Variants in ZNF333 observed in about 807,000 individuals in gnomAD.
ZNF333 encodes zinc finger protein 333.
In ZNF333, 61 loss-of-function variants were observed where a neutral mutation model predicts 76.1. That is an observed-to-expected ratio of 0.80 (90% CI 0.65 to 0.99). The LOEUF is 0.99. Ranked by LOEUF, ZNF333 falls within the 50% of genes least tolerant of loss-of-function variation. The pLI is 0.00. For synonymous variants in ZNF333, 284 were observed against 305.0 expected (o/e 0.93, Z 0.72); for missense variants, 717 against 822.4 (o/e 0.87, Z 1.57).
chr19:14,705,447 C>G (rs893583801), intron 6 of ZNF333, among the ~76,000 whole-genome samples: 1 of 152,152 alleles, frequency 6.6e-6, no homozygotes, highest in Non-Finnish European at 1.5e-5. Context: ...TCCTGTCCTT[C>G]CACCCCAGCC....
intron 5 of ZNF333, chr19:14,700,456 G>T (rs1039409230): frequency 6.6e-6 from 1 of 152,280 alleles, no homozygotes; most frequent in Non-Finnish European, 1.5e-5. Flanking sequence ...AGGCCACTTT[G>T]ATTGGAAAGA....
chr19:14,731,940 A>G (rs914098384), exon 12 of ZNF333: 7 of 152,052 alleles, frequency 4.6e-5, no homozygotes, highest in African/African-American at 1.7e-4. Context: ...TCCTTCCCCA[A>G]CCTCGTCTGT....
chr19:14,697,383 A>G (rs889834009), intron 4 of ZNF333, among the ~76,000 whole-genome samples: 3 of 95,098 alleles, frequency 3.2e-5, no homozygotes, highest in African/African-American at 8.7e-5. Flanking sequence ...TTTTTTTGAG[A>G]TAGGGTCTTG....
chr19:14,699,944 C>T (rs894993875), intron 5 of ZNF333, among the ~76,000 whole-genome samples: 1 of 152,070 alleles, frequency 6.6e-6, no homozygotes, highest in Non-Finnish European at 1.5e-5. Context: ...AATATGCTCC[C>T]GGTGGGGAGG....
At chr19:14,731,390 A>G in exon 12 of ZNF333, 3 of 593,812 alleles carry the variant, frequency 5.1e-6, no homozygotes, top group South Asian at 4.3e-5. Context: ...GAGCTTAGTC[A>G]CATACTTCTG....
intron 4 of ZNF333, 136 bp downstream of exon 4, chr19:14,695,797 TC>T (rs1398878516): frequency 1.5e-6 from 1 of 681,326 alleles, no homozygotes; most frequent in Non-Finnish European, 2.6e-6. Flanking sequence ...TTTCTCAAGT[TC>T]CTTTAGCTTC....
chr19:14,732,543 C>G (rs543450909), exon 12 of ZNF333: 21 of 152,220 alleles, frequency 1.4e-4, no homozygotes, highest in African/African-American at 5.1e-4. Flanking sequence ...CTTCCATGAA[C>G]CTGAACATCA....
At chr19:14,712,072 A>G (rs2042293061) in intron 7 of ZNF333, among the ~76,000 whole-genome samples, 1 of 152,034 alleles carries the variant, frequency 6.6e-6, no homozygotes, top group African/African-American at 2.4e-5. Flanking sequence ...GAGTACCGCC[A>G]TGTAGAGACG....
intron 6 of ZNF333, chr19:14,706,384 T>C (rs1599721556): frequency 2.4e-6 from 1 of 418,736 alleles, no homozygotes. Context: ...CCCCTCAACC[T>C]CCTGGCCATC....
rs761569087 is a variant in ZNF333, at chr19:14,718,914, A to C, written c.1587A>C (p.Thr529=). Residue 529 remains threonine (T), a synonymous_variant, in exon 12 of 12, where the codon ACA becomes ACC. Transcript: ENST00000292530. ...TGAACGTGCACAAGAGGATACACAC[A>C]GGGGAGAAACTGTATGAGTGCGCGA... ...THLNVHKRIH[T]GEKLYECATC... 12 of 1,612,684 alleles carry C rather than the reference A, an allele frequency of 7.4e-6. 1 individual carries two copies. In the South Asian group the frequency reaches 1.2e-4, roughly 16 times the overall value.
At chr19:14,690,335 C>T (rs1358244332) in intron 1 of ZNF333, among the ~76,000 whole-genome samples, 185 bp downstream of exon 1, 1 of 152,212 alleles carries the variant, frequency 6.6e-6, no homozygotes, top group African/African-American at 2.4e-5. Context: ...CGGTCTCTCG[C>T]TCTCAGGTAC....
chr19:14,708,357 T>C (rs536939034), intron 7 of ZNF333: 9 of 401,146 alleles, frequency 2.2e-5, no homozygotes, highest in Non-Finnish European at 4.0e-5. Context: ...CATCCGATGG[T>C]GAGATGGGGA....
intron 7 of ZNF333, among the ~76,000 whole-genome samples, chr19:14,712,177 T>C (rs1040815710): frequency 1.3e-5 from 2 of 151,648 alleles, no homozygotes; most frequent in Non-Finnish European, 2.9e-5. Flanking sequence ...CTTCCTGAGA[T>C]TGAGGACATG....
chr19:14,726,212 G>A (rs1487666517), downstream of ZNF333, among the ~76,000 whole-genome samples: 2 of 152,214 alleles, frequency 1.3e-5, no homozygotes, highest in Admixed American at 1.3e-4. Flanking sequence ...TTGAGTGGCT[G>A]GAACGTGGAG....
At chr19:14,699,412 A>G (rs529340797) in intron 5 of ZNF333, 131 bp downstream of exon 5, 6 of 770,430 alleles carry the variant, frequency 7.8e-6, no homozygotes, top group Non-Finnish European at 1.3e-5. Flanking sequence ...ACAGTGTCTG[A>G]GGGGAGTGCC....
Position 14,712,841 on chromosome 19 carries a change from C to T in ZNF333, c.512-2541C>T, listed in dbSNP as rs186781572. 4.8e-4 allele frequency among the ~76,000 whole-genome samples: 73 copies of T among 152,244 alleles called. 1 individual carries two copies. Among genetic ancestry groups the T allele is most frequent in the Admixed American group, 4.4e-3 (68 of 15,286 alleles). On this transcript the variant is annotated intron_variant, in intron 7 of 11. Transcript: ENST00000292530. Reference sequence around the variant, plus strand: ...ATTACATCTGCAACAATCCTATTTCCAAATAAGGTCACATTTTGAAGTACT... The same window carrying T: ...ATTACATCTGCAACAATCCTATTTCTAAATAAGGTCACATTTTGAAGTACT...
chr19:14,698,897 T>TAG (rs1374372646), intron 4 of ZNF333, among the ~76,000 whole-genome samples: 2 of 105,636 alleles, frequency 1.9e-5, no homozygotes, highest in Admixed American at 2.1e-4. Context: ...CACACAAATA[T>TAG]AGATATATAT....
At chr19:14,698,899 G>GATAGAT (rs1973442578) in intron 4 of ZNF333, among the ~76,000 whole-genome samples, 1 of 132,710 alleles carries the variant, frequency 7.5e-6, no homozygotes, top group Non-Finnish European at 1.6e-5. Context: ...CACAAATATA[G>GATAGAT]ATATATATAT....
intron 7 of ZNF333, among the ~76,000 whole-genome samples, chr19:14,712,828 A>G (rs1304171278): frequency 1.3e-5 from 2 of 152,134 alleles, no homozygotes; most frequent in East Asian, 1.9e-4. Flanking sequence ...TACATCTGCA[A>G]CAATCCTATT....
Sources: gnomAD v4.1 joint callset for allele counts (sites outside exome capture counted in the v4.1 genomes callset) on GRCh38, gnomAD v4.1.1 for gene constraint, MANE v1.5 for transcripts, NCBI Gene and HGNC (gene_info 2026-07-23, HGNC 2026-07-21) for gene names.